The following MYRFL variants were observed in gnomAD, a reference collection of about 807,000 sequenced individuals.
The protein encoded by MYRFL is myelin regulatory factor-like protein.
MYRFL carries 88 observed loss-of-function variants against 109.4 expected under a neutral mutation model. The ratio of observed to expected loss-of-function variants is 0.80; its 90% CI spans 0.68 to 0.96. The LOEUF is 0.96. MYRFL is among the 40% of genes least tolerant of loss of function. The probability of loss-of-function intolerance (pLI) is 0.00; values close to 1 mark genes in which losing one functional copy is unlikely to be tolerated. For missense variants in MYRFL, 957 were observed against 954.9 expected (o/e 1.00, Z -0.03); for synonymous variants, 324 against 320.9 (o/e 1.01, Z -0.10).
intron 23 of MYRFL, 60 bp from the exon 24 acceptor site, chr12:69,958,189 T>C: frequency 7.2e-7 from 1 of 1,395,094 alleles, no homozygotes; most frequent in Non-Finnish European, 9.8e-7. Flanking sequence ...CAGCCTGTAC[T>C]CTTTCCTACT....
intron 2 of MYRFL, among the ~76,000 whole-genome samples, chr12:69,872,363 A>G (rs1428075188): frequency 6.6e-6 from 1 of 151,968 alleles, no homozygotes; most frequent in East Asian, 1.9e-4. Flanking sequence ...TCACTTTGTC[A>G]CCTAGGCTGA....
chr12:69,885,496 T>A (rs1489098331), intron 5 of MYRFL, among the ~76,000 whole-genome samples: 1 of 152,180 alleles, frequency 6.6e-6, no homozygotes, highest in African/African-American at 2.4e-5. Context: ...TAGGAGCTAA[T>A]GTCCTATTTG....
chr12:69,936,105 TTTGACAGTGC>T lies in MYRFL; in HGVS notation c.1917-5_1921del. ...TTTTTTTTTTTTTTTTTTTTTTTTTTTTGACAGTGCTTTGACGATAGTTGCCCTCTATATA... is the reference window on the plus strand; with the variant it reads ...TTTTTTTTTTTTTTTTTTTTTTTTTTTTTGACGATAGTTGCCCTCTATATA... On this transcript the variant is annotated splice_acceptor_variant and splice_polypyrimidine_tract_variant and coding_sequence_variant and intron_variant, in exon 17 of 25. Transcript: ENST00000552032. LOFTEE classifies it high-confidence loss of function. 3.0e-6 allele frequency: 4 copies of T among 1,327,172 alleles called. No individual in the cohort carries two copies. The highest frequency in any genetic ancestry group is 3.3e-5 in the African/African-American group (2 of 61,244). The allele number at this position is 1,327,172 out of a possible 1,614,324, so 82.2% of individuals were successfully genotyped here.
chr12:69,890,969 A>G lies in MYRFL; in HGVS notation c.708-2A>G, dbSNP rs1488781528. ...CTGGTTTCTTGGTTTCTCTTTTCAT[A>G]GACCTGATGTGGGCTATCGAGTTGT... On this transcript the variant is annotated splice_acceptor_variant, in intron 6 of 24. Coordinates refer to ENST00000552032, the MANE Select transcript of MYRFL (RefSeq NM_182530.3). LOFTEE classifies it high-confidence loss of function. 2 of 1,462,134 alleles carry G rather than the reference A, an allele frequency of 1.4e-6. No individual in the cohort carries two copies. The highest frequency in any genetic ancestry group is 5.3e-5 in the Admixed American group (2 of 37,788). 90.6% of individuals were successfully genotyped at this position (1,462,134 alleles called of 1,614,324 possible).
At chr12:69,899,491 C>G (rs895965789) in intron 10 of MYRFL, among the ~76,000 whole-genome samples, 2 of 152,154 alleles carry the variant, frequency 1.3e-5, no homozygotes, top group African/African-American at 4.8e-5. Context: ...TGGCCTGGTT[C>G]TGTTAGTTTA....
intron 6 of MYRFL, among the ~76,000 whole-genome samples, chr12:69,889,718 T>C (rs1303162559): frequency 6.6e-6 from 1 of 152,116 alleles, no homozygotes; most frequent in East Asian, 1.9e-4. Context: ...TGGTTGGGCA[T>C]GGTAGCTGGA....
chr12:69,954,697 G>A (rs1048761120), intron 21 of MYRFL, among the ~76,000 whole-genome samples: 1 of 152,114 alleles, frequency 6.6e-6, no homozygotes, highest in Admixed American at 6.5e-5. Flanking sequence ...TCAAGGGATG[G>A]TCAGGTAATA....
At chr12:69,898,569 C>T (rs1467379683) in intron 10 of MYRFL, among the ~76,000 whole-genome samples, 1 of 152,234 alleles carries the variant, frequency 6.6e-6, no homozygotes, top group East Asian at 1.9e-4. Flanking sequence ...CTGGAATTGC[C>T]TTGCTGTGCT....
intron 2 of MYRFL, among the ~76,000 whole-genome samples, chr12:69,874,911 G>A (rs1209980820): frequency 6.6e-6 from 1 of 151,358 alleles, no homozygotes; most frequent in Non-Finnish European, 1.5e-5. Flanking sequence ...CCACTCTGAT[G>A]CGGTAGATGT....
At chr12:69,852,845 C>T (rs962580593) in intron 1 of MYRFL, among the ~76,000 whole-genome samples, 4 of 151,990 alleles carry the variant, frequency 2.6e-5, no homozygotes, top group African/African-American at 9.7e-5. Context: ...TTGCACCGCC[C>T]TTAATCCATT....
At chr12:69,892,184 C>T (rs1332884263) in intron 7 of MYRFL, among the ~76,000 whole-genome samples, 1 of 151,954 alleles carries the variant, frequency 6.6e-6, no homozygotes, top group East Asian at 1.9e-4. Flanking sequence ...TAAAAAAAGC[C>T]AAGGAGCCAC....
At chr12:69,831,876 A>G (rs573098401) in intron 1 of MYRFL, among the ~76,000 whole-genome samples, 1 of 152,250 alleles carries the variant, frequency 6.6e-6, no homozygotes, top group South Asian at 2.1e-4. Context: ...TGTAGAGATG[A>G]ATCTCTAAAT....
intron 1 of MYRFL, among the ~76,000 whole-genome samples, chr12:69,839,539 G>C (rs1306745790): frequency 6.6e-6 from 1 of 151,974 alleles, no homozygotes; most frequent in Non-Finnish European, 1.5e-5. Context: ...AGTTGTTCAG[G>C]AACACGTACA....
intron 22 of MYRFL, among the ~76,000 whole-genome samples, chr12:69,957,561 TA>T (rs1388856051): frequency 6.6e-6 from 1 of 152,008 alleles, no homozygotes; most frequent in Non-Finnish European, 1.5e-5. Context: ...CTTGTCTCTA[TA>T]AAAAAATAGA....
chr12:69,887,280 C>CT (rs1456863084), intron 6 of MYRFL, among the ~76,000 whole-genome samples: 3 of 152,236 alleles, frequency 2.0e-5, no homozygotes, highest in Admixed American at 6.5e-5. Context: ...AAACATTCCC[C>CT]AAATCACTAA....
intron 19 of MYRFL, among the ~76,000 whole-genome samples, chr12:69,950,539 C>CATAT (rs1955948314): frequency 1.3e-5 from 2 of 152,164 alleles, no homozygotes; most frequent in Non-Finnish European, 2.9e-5. Flanking sequence ...GAGTATGTCC[C>CATAT]TACTCCTTTG....
intron 2 of MYRFL, among the ~76,000 whole-genome samples, chr12:69,876,209 A>G (rs1309032126): frequency 6.6e-6 from 1 of 152,138 alleles, no homozygotes; most frequent in African/African-American, 2.4e-5. Flanking sequence ...GTGGATTTCT[A>G]TCGGAGGTTA....
intron 1 of MYRFL, among the ~76,000 whole-genome samples, chr12:69,833,358 C>A (rs1357151081): frequency 6.6e-6 from 1 of 152,064 alleles, no homozygotes; most frequent in South Asian, 2.1e-4. Flanking sequence ...AAATACAAGA[C>A]AATTGCCTAT....
At chr12:69,858,902 T>C (rs182333216) in intron 2 of MYRFL, among the ~76,000 whole-genome samples, 1 of 151,984 alleles carries the variant, frequency 6.6e-6, no homozygotes, top group Admixed American at 6.6e-5. Flanking sequence ...TTTGCTCTTA[T>C]TTTTCTAGTT....
Sources: gnomAD v4.1 joint callset for allele counts (sites outside exome capture counted in the v4.1 genomes callset) on GRCh38, gnomAD v4.1.1 for gene constraint, MANE v1.5 for transcripts, NCBI Gene and HGNC (gene_info 2026-07-23, HGNC 2026-07-21) for gene names.